The following ACTN2 variants were observed in gnomAD, a reference collection of about 807,000 sequenced individuals.
ACTN2 encodes actinin alpha 2.
A neutral mutation model predicts 113.8 loss-of-function variants in ACTN2; 39 were observed. The ratio of observed to expected loss-of-function variants is 0.34; its 90% confidence interval spans 0.27 to 0.45. The LOEUF (loss-of-function observed/expected upper bound fraction) is 0.45, where lower values mean the gene tolerates loss of function less well. Ranked by LOEUF, ACTN2 falls within the 20% of genes least tolerant of loss-of-function variation. The pLI, the probability that ACTN2 is intolerant of heterozygous loss-of-function variation, is 1.00. For missense variants in ACTN2, 992 were observed against 1,177.9 expected (o/e 0.84, Z 2.31); for synonymous variants, 429 against 444.1 (o/e 0.97, Z 0.43).
At chr1:236,734,153 T>A (rs926166778) in intron 7 of ACTN2, among the ~76,000 whole-genome samples, 1 of 152,200 alleles carries the variant, frequency 6.6e-6, no homozygotes, top group Non-Finnish European at 1.5e-5. Flanking sequence ...GGCCTAATTC[T>A]GTCCGTGGAG....
At chr1:236,711,230 G>A (rs1045420653) in intron 1 of ACTN2, among the ~76,000 whole-genome samples, 7 of 152,212 alleles carry the variant, frequency 4.6e-5, no homozygotes, top group Non-Finnish European at 1.0e-4. Flanking sequence ...AGCTGTCTAA[G>A]GAATATACAT....
chr1:236,712,654 C>G (rs1210274512), intron 1 of ACTN2, among the ~76,000 whole-genome samples: 1 of 152,096 alleles, frequency 6.6e-6, no homozygotes, highest in Non-Finnish European at 1.5e-5. Flanking sequence ...GCGAGACCGT[C>G]TTATCTCTTT....
intron 11 of ACTN2, among the ~76,000 whole-genome samples, chr1:236,743,733 TAGAC>T (rs1319203809): frequency 6.6e-6 from 1 of 152,190 alleles, no homozygotes; most frequent in African/African-American, 2.4e-5. Flanking sequence ...TAATATTTCA[TAGAC>T]AGGTAGTTAC....
Position 236,717,921 on chromosome 1 carries a change from G to A in ACTN2, c.190G>A (p.Glu64Lys), listed in dbSNP as rs2102893489. The A allele has an allele frequency of 6.2e-7, 1 of 1,614,128 alleles. No homozygotes were observed. The change falls in exon 2 of 21, where the codon GAA becomes AAA. Residue 64 changes from glutamate (E) to lysine (K), a missense_variant. Physicochemically the swap from Glu to Lys is moderately conservative, Grantham distance 56 (BLOSUM62 1). Transcript: ENST00000366578. ...CGGCACCCAGATTGAGAACATCGAG[G>A]AAGACTTCAGGAATGGCCTTAAGCT... ...KAGTQIENIE[E>K]DFRNGLKLML...
rs548899697 is a variant in ACTN2, at chr1:236,695,705, C to T, written c.126+8906C>T. 2.0e-4 allele frequency among the ~76,000 whole-genome samples: 31 copies of T among 152,150 alleles called. No homozygotes were observed. The East Asian group carries it at 5.0e-3, about 25-fold the overall frequency. ...ATTTTTTTGAAGATGCAGTGTGCTT[C>T]ACAGTGCTGGAATTGGAAAATGGAG... is the stretch of plus-strand genomic sequence containing the variant. On this transcript the variant is annotated intron_variant, in intron 1 of 20. Transcript: ENST00000366578.
At chr1:236,727,255 C>CT (rs1658579919) in intron 5 of ACTN2, among the ~76,000 whole-genome samples, 1 of 152,088 alleles carries the variant, frequency 6.6e-6, no homozygotes. Context: ...GTCCTAAAAA[C>CT]TTTTAGAGGA....
In ACTN2 at chr1:236,686,681, A is replaced by T; in HGVS notation, c.8A>T (p.Gln3Leu). 6.4e-7 allele frequency: 1 copy of T among 1,559,930 alleles called. No homozygotes were observed. Among genetic ancestry groups the T allele is most frequent in the Non-Finnish European group, 8.7e-7 (1 of 1,152,830 alleles). The change falls in exon 1 of 21, where the codon CAG (glutamine) becomes CTG (leucine). Residue 3 changes from glutamine (Q) to leucine (L), a missense_variant. By Grantham distance (113) the Gln-to-Leu change is moderately radical. Transcript: ENST00000366578. ...CCCGGCCAACCGAGCGCCATGAACCAGATAGAGCCCGGCGTGCAGTACAAC... is the reference window on the plus strand; with the variant it reads ...CCCGGCCAACCGAGCGCCATGAACCTGATAGAGCCCGGCGTGCAGTACAAC... MN[Q>L]IEPGVQYNYV...
chr1:236,724,516 G>A lies in ACTN2; in HGVS notation c.449-1417G>A, dbSNP rs114366780. ...TGGCTGACACCTGGGCCGAGAAGAG[G>A]AAGGGAGGAGGCTTGGGGAAGAAGG... On this transcript the variant is annotated intron_variant, in intron 4 of 20. Coordinates refer to ENST00000366578, the MANE Select transcript of ACTN2 (RefSeq NM_001103.4). Among the ~76,000 whole-genome samples, 1,001 of 152,352 alleles carry A rather than the reference G, an allele frequency of 6.6e-3. 10 individuals carry two copies. The highest frequency in any genetic ancestry group is 0.023 in the African/African-American group (946 of 41,588).
chr1:236,712,004 T>C (rs1658041907), intron 1 of ACTN2, among the ~76,000 whole-genome samples: 1 of 152,210 alleles, frequency 6.6e-6, no homozygotes, highest in African/African-American at 2.4e-5. Context: ...TGGTAATCTG[T>C]TTTAAGCCAA....
At chr1:236,734,531 A>C in intron 7 of ACTN2, 3 of 1,512,000 alleles carry the variant, frequency 2.0e-6, no homozygotes, top group South Asian at 2.4e-5. Flanking sequence ...GAGGATGTAA[A>C]CCATGAGTCA....
At chr1:236,751,782 C>CCAAATTT (rs1468912113) in intron 15 of ACTN2, 130 bp downstream of exon 15, 1 of 1,109,134 alleles carries the variant, frequency 9.0e-7, no homozygotes, top group Non-Finnish European at 1.3e-6. Context: ...TTCCTTTATC[C>CCAAATTT]CAAATTTCAC....
chr1:236,728,015 T>C (rs1558236224), intron 6 of ACTN2, among the ~76,000 whole-genome samples: 1 of 152,202 alleles, frequency 6.6e-6, no homozygotes, highest in Non-Finnish European at 1.5e-5. Context: ...AAGATATGTT[T>C]GATGATTTGG....
At chr1:236,761,229 CA>C in intron 20 of ACTN2, 56 bp downstream of exon 20, 1 of 1,596,754 alleles carries the variant, frequency 6.3e-7, no homozygotes, top group Non-Finnish European at 8.6e-7. Flanking sequence ...ATCCTTCTAA[CA>C]AAAAAGGCAA....
chr1:236,700,047 T>C (rs964102808), intron 1 of ACTN2, among the ~76,000 whole-genome samples: 4 of 152,180 alleles, frequency 2.6e-5, no homozygotes, highest in Non-Finnish European at 4.4e-5. Context: ...GCTTCACCTG[T>C]ACACCACCCC....
intron 1 of ACTN2, among the ~76,000 whole-genome samples, chr1:236,697,520 T>G (rs1657544167): frequency 6.6e-6 from 1 of 152,194 alleles, no homozygotes. Flanking sequence ...GAAGCAATGT[T>G]GGGAACTGAA....
intron 1 of ACTN2, among the ~76,000 whole-genome samples, chr1:236,707,709 C>CTTTTTTTTTTTT (rs5781919): frequency 2.0e-4 from 16 of 78,728 alleles, no homozygotes; most frequent in South Asian, 1.1e-3. Context: ...TCTTTTTTTT[C>CTTTTTTTTTTTT]TTTTTTTTTT....
At chr1:236,727,647 C>T (rs751404698) in intron 5 of ACTN2, 31 bp from the exon 6 acceptor site, 39 of 1,610,918 alleles carry the variant, frequency 2.4e-5, no homozygotes, top group Non-Finnish European at 3.1e-5. Flanking sequence ...TCCACTAACA[C>T]GTGTTCCTGT....
chr1:236,762,170 A>C (rs962571501), intron 20 of ACTN2, among the ~76,000 whole-genome samples: 2 of 152,170 alleles, frequency 1.3e-5, no homozygotes, highest in African/African-American at 4.8e-5. Context: ...TATGAAATGC[A>C]GATCATAGTA....
chr1:236,729,850 A>G (rs927674696), intron 6 of ACTN2, among the ~76,000 whole-genome samples: 1 of 152,224 alleles, frequency 6.6e-6, no homozygotes, highest in Admixed American at 6.5e-5. Flanking sequence ...GCAATTTATT[A>G]TGGTCAGTTT....
Sources: allele counts gnomAD v4.1 joint callset (sites outside exome capture counted in the v4.1 genomes callset), GRCh38; gene constraint gnomAD v4.1.1; transcripts MANE v1.5; gene names NCBI Gene and HGNC (gene_info 2026-07-23, HGNC 2026-07-21).